The following SRBD1 variants were observed in gnomAD, a reference collection of about 807,000 sequenced individuals.
SRBD1 encodes S1 RNA-binding domain-containing protein 1.
SRBD1 carries 88 observed loss-of-function variants against 115.3 expected under a neutral mutation model. That is an observed-to-expected ratio of 0.76 (90% CI 0.64 to 0.91). The LOEUF is 0.91. SRBD1 is among the 40% of genes least tolerant of loss of function. The pLI, the probability that SRBD1 is intolerant of heterozygous loss-of-function variation, is 0.00. For synonymous variants in SRBD1, 509 were observed against 407.7 expected, an observed-to-expected ratio of 1.25 and a Z score of -2.99; for missense variants, 1,385 against 1,177.4, an observed-to-expected ratio of 1.18 and a Z score of -2.58.
chr2:45,481,919 C>G (rs1366276790), intron 15 of SRBD1, among the ~76,000 whole-genome samples: 2 of 152,032 alleles, frequency 1.3e-5, no homozygotes, highest in South Asian at 4.1e-4. Context: ...AAAATCCATA[C>G]AGAGAGAAAG....
rs150819701 is a variant in SRBD1 at position 45,527,771 on chromosome 2, G to C, written c.1874+18961C>G. ...TAAGCACAGTCACCATGGTAGTAAA[G>C]GATGAAGCTATAATTTGAACCTGGT... On this transcript the variant is annotated intron_variant, in intron 14 of 20. Transcript: ENST00000263736. Among the ~76,000 whole-genome samples, 83 of 151,974 alleles carry C rather than the reference G, an allele frequency of 5.5e-4. No homozygotes were observed. The East Asian group carries it at 0.016, about 29-fold the overall frequency.
At chr2:45,515,311 G>C (rs902146057) in intron 14 of SRBD1, among the ~76,000 whole-genome samples, 1 of 152,130 alleles carries the variant, frequency 6.6e-6, no homozygotes, top group Non-Finnish European at 1.5e-5. Context: ...AGAAACGAAG[G>C]TAGAGAGGTT....
intron 14 of SRBD1, among the ~76,000 whole-genome samples, chr2:45,521,838 C>T (rs1173731621): frequency 6.6e-6 from 1 of 151,862 alleles, no homozygotes; most frequent in African/African-American, 2.4e-5. Context: ...CATGGTGGCA[C>T]GTGCCTCTAG....
At chr2:45,570,725 A>G (rs1314928115) in intron 9 of SRBD1, among the ~76,000 whole-genome samples, 2 of 152,206 alleles carry the variant, frequency 1.3e-5, no homozygotes, top group African/African-American at 2.4e-5. Context: ...TCTGAAGATG[A>G]CAGCCCACGT....
At position 45,611,213 on chromosome 2, in the gene SRBD1, G is replaced by C. The variant is rs1161182884; in HGVS notation, c.-1+6C>G. ...AGACGACCGCCAAGGCGCACGCACAGCTCACCTTCCCGCCCGGCACGTCAG... is the reference window on the plus strand; with the variant it reads ...AGACGACCGCCAAGGCGCACGCACACCTCACCTTCCCGCCCGGCACGTCAG... On this transcript the variant is annotated splice_donor_region_variant and intron_variant, in intron 1 of 20. Coordinates refer to ENST00000263736, the MANE Select transcript of SRBD1 (RefSeq NM_018079.5). 6.6e-6 allele frequency: 1 copy of C among 152,102 alleles called. No individual in the cohort carries two copies. The highest frequency in any genetic ancestry group is 1.9e-4 in the East Asian group (1 of 5,190). The allele number at this position is 152,102 out of a possible 1,614,324, so 9.4% of individuals were successfully genotyped here. A position where few individuals can be genotyped will look rare whatever the true frequency, so the allele number is the denominator to read the frequency against.
At chr2:45,414,746 G>GCACACACACA (rs1667736942) in intron 18 of SRBD1, among the ~76,000 whole-genome samples, 1 of 113,192 alleles carries the variant, frequency 8.8e-6, no homozygotes, top group Non-Finnish European at 1.7e-5. Flanking sequence ...TATATAGTAT[G>GCACACACACA]TACACACACA....
chr2:45,517,437 A>G (rs181321154), intron 14 of SRBD1, among the ~76,000 whole-genome samples: 1 of 152,356 alleles, frequency 6.6e-6, no homozygotes, highest in East Asian at 1.9e-4. Context: ...CAGAGCAACT[A>G]AAAGCAGAAA....
intron 7 of SRBD1, among the ~76,000 whole-genome samples, chr2:45,575,442 CTTTT>C (rs957345069): frequency 2.0e-5 from 3 of 152,184 alleles, no homozygotes; most frequent in Non-Finnish European, 4.4e-5. Context: ...TGTTTCATTT[CTTTT>C]GTCTTTATCA....
intron 16 of SRBD1, among the ~76,000 whole-genome samples, chr2:45,435,225 T>C (rs1394901178): frequency 2.0e-5 from 3 of 152,064 alleles, no homozygotes; most frequent in African/African-American, 4.8e-5. Flanking sequence ...ATAGTGAATA[T>C]ATGGCAACCA....
chr2:45,541,783 G>C (rs1394366618), intron 14 of SRBD1, among the ~76,000 whole-genome samples: 1 of 152,250 alleles, frequency 6.6e-6, no homozygotes, highest in South Asian at 2.1e-4. Flanking sequence ...CCCAAAGTGG[G>C]TGGCTCCTTC....
At chr2:45,542,400 G>A (rs900527309) in intron 14 of SRBD1, among the ~76,000 whole-genome samples, 3 of 152,230 alleles carry the variant, frequency 2.0e-5, no homozygotes, top group African/African-American at 7.2e-5. Flanking sequence ...GTCCAGAGCT[G>A]TAGCTGGGCA....
intron 16 of SRBD1, among the ~76,000 whole-genome samples, chr2:45,422,131 G>A (rs183038133): frequency 2.0e-5 from 3 of 151,916 alleles, no homozygotes; most frequent in South Asian, 4.1e-4. Flanking sequence ...CAAACAAACC[G>A]GAAAAAGGAA....
rs774696560 is a variant in SRBD1 at position 45,585,677 on chromosome 2, CTATAACG to C, written c.739_745del (p.Arg247GlufsTer13). The C allele has an allele frequency of 1.2e-6, 2 of 1,612,464 alleles. No individual in the cohort carries two copies. Among genetic ancestry groups the C allele is most frequent in the Non-Finnish European group, 8.5e-7 (1 of 1,179,546 alleles). On this transcript the variant is annotated frameshift_variant, in exon 5 of 21. Coordinates refer to ENST00000263736, the MANE Select transcript of SRBD1 (RefSeq NM_018079.5). LOFTEE classifies it high-confidence loss of function. ...ATCAAGGTTATTAATGAGCTCTTTTCTATAACGTATAATGAAGGGAATTGTGTTATCA... is the reference window on the plus strand; with the variant it reads ...ATCAAGGTTATTAATGAGCTCTTTTCTATAATGAAGGGAATTGTGTTATCA...
At chr2:45,574,379 C>A (rs1424053244) in intron 8 of SRBD1, among the ~76,000 whole-genome samples, 6 of 152,210 alleles carry the variant, frequency 3.9e-5, no homozygotes, top group Admixed American at 3.9e-4. Flanking sequence ...GGCCCCTCCA[C>A]TGAGATGCCT....
chr2:45,554,139 A>G (rs780744869), intron 10 of SRBD1, among the ~76,000 whole-genome samples: 1 of 152,186 alleles, frequency 6.6e-6, no homozygotes, highest in Non-Finnish European at 1.5e-5. Context: ...AGATGAAGTC[A>G]TAAGGGTGGG....
rs145822285 is a variant in SRBD1, at chr2:45,573,311, A to G, written c.1201T>C (p.Ser401Pro). The change falls in exon 9 of 21, where the codon TCT (serine) becomes CCT (proline). Residue 401 changes from serine (S) to proline (P), a missense_variant. Transcript: ENST00000263736. ...CQKRHVCIQS[S>P]LAKVSSKKVN... ...TTTTTTGAGGATACTTTTGCCAGAG[A>G]TGACTGGATACAAACATGTCTCTTC... 22 of 1,611,796 alleles carry G rather than the reference A, an allele frequency of 1.4e-5. No individual in the cohort carries two copies. The highest frequency in any genetic ancestry group is 1.9e-5 in the Non-Finnish European group (22 of 1,179,212).
intron 14 of SRBD1, among the ~76,000 whole-genome samples, chr2:45,510,558 G>A (rs1206484425): frequency 6.6e-6 from 1 of 152,160 alleles, no homozygotes; most frequent in Non-Finnish European, 1.5e-5. Flanking sequence ...CACATTAAAT[G>A]GATCACAGGG....
At chr2:45,510,665 G>A (rs1670938625) in intron 14 of SRBD1, among the ~76,000 whole-genome samples, 1 of 152,192 alleles carries the variant, frequency 6.6e-6, no homozygotes, top group Non-Finnish European at 1.5e-5. Context: ...TCGTTTCCCT[G>A]AATTGTTTCT....
intron 1 of SRBD1, among the ~76,000 whole-genome samples, chr2:45,605,929 A>AG (rs1284082681): frequency 1.3e-5 from 2 of 151,612 alleles, no homozygotes; most frequent in African/African-American, 4.8e-5. Context: ...AGAAAAAAAA[A>AG]GAGTAGCTAA....
Sources: gnomAD v4.1 joint callset for allele counts (sites outside exome capture counted in the v4.1 genomes callset) on GRCh38, gnomAD v4.1.1 for gene constraint, MANE v1.5 for transcripts, NCBI Gene and HGNC (gene_info 2026-07-23, HGNC 2026-07-21) for gene names.